The following NAALADL2 variants were observed in gnomAD, a reference collection of about 807,000 sequenced individuals.
NAALADL2 encodes the protein N-acetylated alpha-linked acidic dipeptidase like 2, also known as inactive N-acetylated-alpha-linked acidic dipeptidase-like protein 2.
Under a neutral mutation model 87.2 loss-of-function variants are expected in NAALADL2, and 76 were observed. That is an observed-to-expected ratio of 0.87 (90% CI 0.72 to 1.05). The LOEUF is 1.05. NAALADL2 is among the 50% of genes least tolerant of loss of function. NAALADL2 has a pLI of 0.00. For synonymous variants in NAALADL2, 354 were observed against 331.0 expected (o/e 1.07, Z -0.75); for missense variants, 1,089 against 945.8 (o/e 1.15, Z -1.99).
intron 1 of NAALADL2, among the ~76,000 whole-genome samples, chr3:174,531,439 G>C (rs114633182): frequency 1.3e-5 from 2 of 152,008 alleles, no homozygotes; most frequent in East Asian, 1.9e-4. Flanking sequence ...TAAAATCCAC[G>C]TAAAGGCCAT....
chr3:175,042,200 T>G (rs1049459939), intron 1 of NAALADL2, among the ~76,000 whole-genome samples: 1 of 152,182 alleles, frequency 6.6e-6, no homozygotes, highest in Non-Finnish European at 1.5e-5. Flanking sequence ...CATACTTCAC[T>G]TAATATCATG....
rs183970277 is a variant in NAALADL2 at position 175,774,053 on chromosome 3, T to C, written c.2189+18635T>C. ...TACATCCTAAATTCCTATTTATTGA[T>C]GATGTATGGTACAGTTAGTAGTATA... On this transcript the variant is annotated intron_variant, in intron 13 of 13. Transcript: ENST00000454872. Among the ~76,000 whole-genome samples the C allele has an allele frequency of 5.9e-5, 9 of 152,224 alleles. No homozygotes were observed. In the East Asian group the frequency reaches 1.7e-3, roughly 29 times the overall value.
intron 1 of NAALADL2, among the ~76,000 whole-genome samples, chr3:174,445,000 C>T (rs1397995284): frequency 6.6e-6 from 1 of 151,322 alleles, no homozygotes; most frequent in Non-Finnish European, 1.5e-5. Flanking sequence ...GGAAATGGAA[C>T]CTTGTTTGAG....
intron 9 of NAALADL2, among the ~76,000 whole-genome samples, chr3:175,483,964 G>T (rs1726891466): frequency 6.6e-6 from 1 of 151,988 alleles, no homozygotes. Context: ...GCTAGTCCTG[G>T]AAGCAGAGTA....
At chr3:175,503,736 A>G (rs1249936111) in intron 9 of NAALADL2, among the ~76,000 whole-genome samples, 1 of 152,152 alleles carries the variant, frequency 6.6e-6, no homozygotes, top group Admixed American at 6.6e-5. Context: ...TCTTTTGAAA[A>G]GTGTCTGTTC....
intron 2 of NAALADL2, among the ~76,000 whole-genome samples, chr3:175,143,483 C>T (rs1278733068): frequency 6.9e-6 from 1 of 144,728 alleles, no homozygotes; most frequent in African/African-American, 2.6e-5. Context: ...AAAAACAGAA[C>T]GACTTGTTTG....
At chr3:174,903,885 T>C (rs1732602867) in intron 1 of NAALADL2, among the ~76,000 whole-genome samples, 1 of 151,780 alleles carries the variant, frequency 6.6e-6, no homozygotes, top group Non-Finnish European at 1.5e-5. Context: ...TTTATAAATA[T>C]GTTTTGGTGT....
chr3:174,751,723 G>T (rs1187455045), intron 3 of NAALADL2, among the ~76,000 whole-genome samples: 3 of 150,868 alleles, frequency 2.0e-5, no homozygotes, highest in Non-Finnish European at 2.9e-5. Context: ...TTAATTCTTG[G>T]AGTAAAGCTC....
intron 11 of NAALADL2, among the ~76,000 whole-genome samples, chr3:175,647,330 G>A (rs750668452): frequency 7.2e-5 from 11 of 152,078 alleles, no homozygotes; most frequent in Non-Finnish European, 1.2e-4. Flanking sequence ...GTGGGTACAT[G>A]TGCAGGTTTG....
chr3:175,545,442 A>G (rs1218002357), intron 9 of NAALADL2, among the ~76,000 whole-genome samples: 1 of 152,094 alleles, frequency 6.6e-6, no homozygotes, highest in Admixed American at 6.6e-5. Context: ...TGATTTCCAC[A>G]GTTTCTGTGT....
intron 3 of NAALADL2, among the ~76,000 whole-genome samples, chr3:175,243,780 A>T (rs1253437354): frequency 6.6e-6 from 1 of 152,084 alleles, no homozygotes; most frequent in African/African-American, 2.4e-5. Flanking sequence ...TAATCATAAT[A>T]TTGAAAGGGG....
intron 3 of NAALADL2, among the ~76,000 whole-genome samples, chr3:174,779,850 A>C (rs909346089): frequency 6.6e-6 from 1 of 152,030 alleles, no homozygotes; most frequent in Non-Finnish European, 1.5e-5. Context: ...TTTGGTACCA[A>C]TACCATGCTG....
chr3:175,780,184 G>C (rs1293885745), intron 13 of NAALADL2, among the ~76,000 whole-genome samples: 1 of 151,554 alleles, frequency 6.6e-6, no homozygotes, highest in African/African-American at 2.4e-5. Context: ...GCTGAGGCAG[G>C]AGAATGGCAT....
At chr3:175,196,685 A>G (rs563763133) in intron 2 of NAALADL2, among the ~76,000 whole-genome samples, 6 of 151,950 alleles carry the variant, frequency 3.9e-5, no homozygotes, top group Non-Finnish European at 8.8e-5. Flanking sequence ...CATTTTTAGT[A>G]TGAGGTAAAA....
At chr3:174,458,195 G>A (rs1385902959) in intron 1 of NAALADL2, among the ~76,000 whole-genome samples, 1 of 152,034 alleles carries the variant, frequency 6.6e-6, no homozygotes, top group East Asian at 1.9e-4. Context: ...ACTATATAAG[G>A]GTTATTGTAA....
At chr3:174,814,865 C>T (rs979287366) in intron 3 of NAALADL2, among the ~76,000 whole-genome samples, 1 of 152,140 alleles carries the variant, frequency 6.6e-6, no homozygotes, top group Non-Finnish European at 1.5e-5. Flanking sequence ...AGCTATGTTA[C>T]TCACACAGAA....
intron 1 of NAALADL2, among the ~76,000 whole-genome samples, chr3:174,442,520 G>A (rs1714740960): frequency 1.3e-5 from 2 of 152,270 alleles, no homozygotes. Flanking sequence ...GACCTTTAAT[G>A]TAGGACGACT....
chr3:175,477,975 A>T (rs2149311122), intron 9 of NAALADL2, among the ~76,000 whole-genome samples: 1 of 152,070 alleles, frequency 6.6e-6, no homozygotes, highest in East Asian at 1.9e-4. Context: ...CTGTCTTCTC[A>T]CTCCGCTCTT....
chr3:174,850,439 A>C (rs1258198455), intron 3 of NAALADL2, among the ~76,000 whole-genome samples: 9 of 152,198 alleles, frequency 5.9e-5, no homozygotes, highest in African/African-American at 2.2e-4. Context: ...AATATATTCA[A>C]CGCTAATAGA....
Sources: allele counts gnomAD v4.1 joint callset (sites outside exome capture counted in the v4.1 genomes callset), GRCh38; gene constraint gnomAD v4.1.1; transcripts MANE v1.5; gene names NCBI Gene and HGNC (gene_info 2026-07-23, HGNC 2026-07-21).